Variants in FRAS1 observed in about 807,000 individuals in gnomAD.
The protein encoded by FRAS1 is extracellular matrix organizing protein FRAS1.
Under a neutral mutation model 435.2 loss-of-function variants are expected in FRAS1, and 290 were observed. The observed-to-expected ratio is 0.67, with a 90% confidence interval of 0.61 to 0.73. FRAS1 has a LOEUF of 0.73. Among genes scored for constraint, FRAS1 ranks in the 30% least tolerant of loss-of-function variants. The pLI is 0.00. For synonymous variants in FRAS1, 1,800 were observed against 1,851.0 expected (o/e 0.97, Z 0.71); for missense variants, 4,860 against 5,001.5 (o/e 0.97, Z 0.85).
intron 2 of FRAS1, among the ~76,000 whole-genome samples, chr4:78,216,317 T>C (rs1468209025): frequency 6.6e-6 from 1 of 151,990 alleles, no homozygotes; most frequent in East Asian, 1.9e-4. Context: ...TGAATATAAC[T>C]ATTATTCTTT....
At chr4:78,519,658 C>T (rs1238915939) in intron 67 of FRAS1, among the ~76,000 whole-genome samples, 177 bp downstream of exon 67, 1 of 152,190 alleles carries the variant, frequency 6.6e-6, no homozygotes, top group Non-Finnish European at 1.5e-5. Context: ...GTCCTTCTGT[C>T]CTGATGCTGG....
intron 2 of FRAS1, among the ~76,000 whole-genome samples, chr4:78,217,710 G>A (rs1054197071): frequency 6.6e-6 from 1 of 151,944 alleles, no homozygotes; most frequent in Non-Finnish European, 1.5e-5. Context: ...TACTGTGCCA[G>A]ATTTTCAGCA....
intron 45 of FRAS1, 60 bp downstream of exon 45, chr4:78,450,399 G>A: frequency 1.5e-6 from 2 of 1,370,000 alleles, no homozygotes; most frequent in Non-Finnish European, 2.1e-6. Flanking sequence ...CTAGTAAAAT[G>A]AGAATTAAAT....
Position 78,511,389 on chromosome 4 carries a change from C to T in FRAS1, c.9896C>T (p.Thr3299Ile). The T allele has an allele frequency of 6.2e-7, 1 of 1,613,924 alleles. No individual in the cohort carries two copies. The highest frequency in any genetic ancestry group is 8.5e-7 in the Non-Finnish European group (1 of 1,179,864). The change falls in exon 64 of 74, where the codon ACA becomes ATA. Residue 3299 changes from threonine (T) to isoleucine (I), a missense_variant. Coordinates refer to ENST00000512123, the MANE Select transcript of FRAS1 (RefSeq NM_025074.7). ...AGGAGCAACATTGTTACCATTGGAA[C>T]AGACAGTGCTATCTGCCACACACCA... is the stretch of plus-strand genomic sequence containing the variant. ...PLRSNIVTIG[T>I]DSAICHTPVV...
chr4:78,324,190 A>G (rs1389662954), intron 18 of FRAS1, among the ~76,000 whole-genome samples: 2 of 138,306 alleles, frequency 1.4e-5, no homozygotes, highest in East Asian at 3.8e-4. Context: ...AGTATAAATA[A>G]GGGAAAAAGA....
rs1330802935 is a variant in FRAS1 at position 78,414,983 on chromosome 4, G to A, written c.4425+1898G>A. ...GGTCACAGAAGCTTCCTCTGGGGGT[G>A]AACAGAGCTGGGTGAGTGTAAATTA... On this transcript the variant is annotated intron_variant, in intron 32 of 73. Coordinates refer to ENST00000512123, the MANE Select transcript of FRAS1 (RefSeq NM_025074.7). Among the ~76,000 whole-genome samples the A allele has an allele frequency of 2.0e-5, 3 of 152,186 alleles. No individual in the cohort carries two copies. In the East Asian group the frequency reaches 5.8e-4, roughly 29 times the overall value.
At chr4:78,339,300 C>A (rs532749739) in intron 20 of FRAS1, among the ~76,000 whole-genome samples, 2 of 152,244 alleles carry the variant, frequency 1.3e-5, no homozygotes, top group Non-Finnish European at 2.9e-5. Context: ...GTGGCTAAAG[C>A]GTATTGGTGG....
At chr4:78,282,243 A>G (rs1464041813) in intron 11 of FRAS1, among the ~76,000 whole-genome samples, 2 of 152,062 alleles carry the variant, frequency 1.3e-5, no homozygotes, top group African/African-American at 4.8e-5. Flanking sequence ...ACTAATGTTT[A>G]TTTTCGTAAT....
chr4:78,117,536 T>C (rs939693930), intron 2 of FRAS1, among the ~76,000 whole-genome samples: 1 of 152,210 alleles, frequency 6.6e-6, no homozygotes, highest in Non-Finnish European at 1.5e-5. Context: ...AATTTCTTTT[T>C]ATTCTTTTTC....
intron 45 of FRAS1, among the ~76,000 whole-genome samples, chr4:78,451,209 GC>G (rs1327557898): frequency 6.6e-6 from 1 of 152,176 alleles, no homozygotes; most frequent in African/African-American, 2.4e-5. Context: ...TTTAAGTGAT[GC>G]TGTAGGTTAA....
At chr4:78,171,078 C>CT (rs1681800337) in intron 2 of FRAS1, among the ~76,000 whole-genome samples, 2 of 152,046 alleles carry the variant, frequency 1.3e-5, no homozygotes, top group African/African-American at 4.8e-5. Flanking sequence ...GCGGGCCTTC[C>CT]TTACCTATGA....
In FRAS1 at chr4:78,281,406, A is replaced by G; in HGVS notation, c.1080A>G (p.Ser360=). The part of the protein sequence containing the change: ...VYEETGEFMS[S]NASEVKRIPE... ...TTTCTCTTTGTTCCTAGATGTCATCAAATGCTAGTGAAGTTAAACGTATTC... is the reference window on the plus strand; with the variant it reads ...TTTCTCTTTGTTCCTAGATGTCATCGAATGCTAGTGAAGTTAAACGTATTC... Residue 360 remains serine (S), a synonymous_variant, in exon 11 of 74, where the codon TCA becomes TCG. Coordinates refer to ENST00000512123, the MANE Select transcript of FRAS1 (RefSeq NM_025074.7). 6.3e-7 allele frequency: 1 copy of G among 1,576,300 alleles called. No individual in the cohort carries two copies. Among genetic ancestry groups the G allele is most frequent in the Non-Finnish European group, 8.6e-7 (1 of 1,161,422 alleles).
At position 78,460,876 on chromosome 4, in the gene FRAS1, A is replaced by G. The variant is rs180676430; in HGVS notation, c.6764-3145A>G. Among the ~76,000 whole-genome samples, 8 of 152,382 alleles carry G rather than the reference A, an allele frequency of 5.2e-5. No homozygotes were observed. In the East Asian group the frequency reaches 1.5e-3, roughly 29 times the overall value. ...AAACTGAAATGTCATTATGTGACGC[A>G]TGACTGTATGTGCTCAATAGAACCT... On this transcript the variant is annotated intron_variant, in intron 47 of 73. Coordinates refer to ENST00000512123, the MANE Select transcript of FRAS1 (RefSeq NM_025074.7).
intron 2 of FRAS1, among the ~76,000 whole-genome samples, chr4:78,163,156 T>C (rs1036607157): frequency 3.3e-5 from 5 of 152,236 alleles, no homozygotes; most frequent in Non-Finnish European, 7.3e-5. Context: ...AAGACATTGG[T>C]CTTTTAGTGG....
intron 2 of FRAS1, among the ~76,000 whole-genome samples, chr4:78,208,256 A>G (rs1317746158): frequency 6.6e-6 from 1 of 152,222 alleles, no homozygotes; most frequent in Non-Finnish European, 1.5e-5. Flanking sequence ...AGAGTACTAC[A>G]TCAAAGGAAC....
chr4:78,158,407 G>T (rs560709148), intron 2 of FRAS1, among the ~76,000 whole-genome samples: 72 of 152,106 alleles, frequency 4.7e-4, no homozygotes, highest in Non-Finnish European at 5.4e-4. Flanking sequence ...TCACCTCCTT[G>T]GTTAGATGTA....
intron 70 of FRAS1, among the ~76,000 whole-genome samples, 193 bp downstream of exon 70, chr4:78,526,850 C>T (rs879911231): frequency 1.3e-5 from 2 of 152,206 alleles, no homozygotes; most frequent in African/African-American, 4.8e-5. Context: ...CCTGGTGATA[C>T]TCTGCCTTCT....
intron 2 of FRAS1, among the ~76,000 whole-genome samples, chr4:78,113,270 T>G (rs528073980): frequency 6.6e-6 from 1 of 152,354 alleles, no homozygotes; most frequent in African/African-American, 2.4e-5. Context: ...CTATTGTGAA[T>G]AGTGCCGCAA....
Position 78,379,638 on chromosome 4 carries a change from G to T in FRAS1, c.3293-88G>T, listed in dbSNP as rs1731928773. 6.5e-6 allele frequency: 8 copies of T among 1,234,462 alleles called. No individual in the cohort carries two copies. In the South Asian group the frequency reaches 1.1e-4, roughly 17 times the overall value. 76.5% of individuals were successfully genotyped at this position (1,234,462 alleles called of 1,614,324 possible). On this transcript the variant is annotated intron_variant, in intron 26 of 73. Coordinates refer to ENST00000512123, the MANE Select transcript of FRAS1 (RefSeq NM_025074.7). ...TATTCTCTGGAAATTGTAAGGAGGT[G>T]GTCTGAAAAAATAAACAAAATAAGG...
Sources: allele counts gnomAD v4.1 joint callset (sites outside exome capture counted in the v4.1 genomes callset), GRCh38; gene constraint gnomAD v4.1.1; transcripts MANE v1.5; gene names NCBI Gene and HGNC (gene_info 2026-07-23, HGNC 2026-07-21).